The following PCDHGB4 variants were observed in gnomAD, a reference collection of about 807,000 sequenced individuals.
The protein encoded by PCDHGB4 is protocadherin gamma subfamily B, 4.
PCDHGB4 carries 38 observed loss-of-function variants against 60.5 expected under a neutral mutation model. That is an observed-to-expected ratio of 0.63 (90% CI 0.48 to 0.82). The LOEUF is 0.82. Ranked by LOEUF, PCDHGB4 falls within the 40% of genes least tolerant of loss-of-function variation. PCDHGB4 has a pLI of 0.00. For synonymous variants in PCDHGB4, 456 were observed against 509.7 expected, an observed-to-expected ratio of 0.89 and a Z score of 1.42; for missense variants, 1,109 against 1,209.6, an observed-to-expected ratio of 0.92 and a Z score of 1.23.
chr5:141,410,110 C>T, intron 1 of PCDHGB4: 4 of 1,612,540 alleles, frequency 2.5e-6, no homozygotes, highest in Non-Finnish European at 3.4e-6. Flanking sequence ...GCGACAGGGA[C>T]GCAGCCCGCC....
chr5:141,436,099 T>C (rs1400528271), intron 1 of PCDHGB4, among the ~76,000 whole-genome samples: 1 of 152,128 alleles, frequency 6.6e-6, no homozygotes, highest in Non-Finnish European at 1.5e-5. Flanking sequence ...TTGAGAGAAA[T>C]AGAGGACAAT....
intron 1 of PCDHGB4, among the ~76,000 whole-genome samples, chr5:141,446,150 A>G (rs754792549): frequency 6.6e-6 from 1 of 152,216 alleles, no homozygotes; most frequent in Non-Finnish European, 1.5e-5. Flanking sequence ...GAATAGGTGG[A>G]ATATAAATTT....
At chr5:141,475,829 G>A (rs1408248560) in intron 1 of PCDHGB4, 5 of 386,748 alleles carry the variant, frequency 1.3e-5, no homozygotes, top group Non-Finnish European at 2.3e-5. Flanking sequence ...GCGCTAGCGC[G>A]TGTCCTGCTC....
At chr5:141,461,819 A>T (rs573339238) in intron 1 of PCDHGB4, among the ~76,000 whole-genome samples, 68 of 149,282 alleles carry the variant, frequency 4.6e-4, no homozygotes, top group Non-Finnish European at 9.5e-4. Flanking sequence ...ACACCCAGCT[A>T]ATTTTTTTTT....
At chr5:141,495,104 G>C (rs552664771) in intron 2 of PCDHGB4, among the ~76,000 whole-genome samples, 16 of 152,194 alleles carry the variant, frequency 1.1e-4, no homozygotes, top group Admixed American at 8.5e-4. Flanking sequence ...CGCCACGACC[G>C]GCACCTTTTC....
At chr5:141,415,275 G>T in intron 1 of PCDHGB4, 5 of 1,614,212 alleles carry the variant, frequency 3.1e-6, no homozygotes, top group Non-Finnish European at 4.2e-6. Flanking sequence ...TGGTGGTAGC[G>T]GTGGCCGCGG....
At chr5:141,472,980 C>CAAAAAAAAAAAAAAAAAAAAAAAA (rs60579131) in intron 1 of PCDHGB4, among the ~76,000 whole-genome samples, 7 of 86,078 alleles carry the variant, frequency 8.1e-5, no homozygotes, top group African/African-American at 1.9e-4. Context: ...GAGTGAAACT[C>CAAAAAAAAAAAAAAAAAAAAAAAA]AAAAAAAAAA....
chr5:141,463,615 A>G (rs1336539466), intron 1 of PCDHGB4, among the ~76,000 whole-genome samples: 1 of 151,408 alleles, frequency 6.6e-6, no homozygotes, highest in Admixed American at 6.6e-5. Context: ...TGCCCGGCTA[A>G]TTTTTTGTAT....
intron 1 of PCDHGB4, chr5:141,404,584 C>T: frequency 6.2e-7 from 1 of 1,613,980 alleles, no homozygotes; most frequent in Non-Finnish European, 8.5e-7. Flanking sequence ...CACTTAGCAG[C>T]AATGTGTCAT....
intron 1 of PCDHGB4, among the ~76,000 whole-genome samples, chr5:141,452,578 C>T (rs2098744735): frequency 6.6e-6 from 1 of 152,150 alleles, no homozygotes; most frequent in African/African-American, 2.4e-5. Flanking sequence ...TCCCCCTTTC[C>T]ATCTTTGTAT....
chr5:141,424,052 G>A, intron 1 of PCDHGB4: 1 of 1,012,010 alleles, frequency 9.9e-7, no homozygotes, highest in South Asian at 4.7e-5. Flanking sequence ...CAATTTTGCT[G>A]TGCCTTCACT....
chr5:141,419,926 G>A lies in PCDHGB4; in HGVS notation c.2397+29645G>A. 3 of 1,614,096 alleles carry A rather than the reference G, an allele frequency of 1.9e-6. No homozygotes were observed. In the South Asian group the frequency reaches 3.3e-5, roughly 18 times the overall value. On this transcript the variant is annotated intron_variant, in intron 1 of 3. Transcript: ENST00000519479. ...CCTCTGACTCCCAGGCTGAGATGCA[G>A]TTTTACCTGGTGGTGGCCTTGGCCT... is the stretch of plus-strand genomic sequence containing the variant.
intron 1 of PCDHGB4, chr5:141,410,275 C>A: frequency 6.2e-7 from 1 of 1,614,038 alleles, no homozygotes; most frequent in Non-Finnish European, 8.5e-7. Context: ...TGCAGTTTTA[C>A]CTGGTGGTGG....
At chr5:141,405,397 T>A (rs1383127737) in intron 1 of PCDHGB4, 3 of 1,591,464 alleles carry the variant, frequency 1.9e-6, no homozygotes, top group Admixed American at 1.8e-5. Context: ...TTTTTTTCTT[T>A]CTTTCTTTTC....
At chr5:141,479,573 C>A (rs1468041584) in intron 1 of PCDHGB4, 1 of 152,230 alleles carries the variant, frequency 6.6e-6, no homozygotes, top group Admixed American at 6.5e-5. Flanking sequence ...GGGATGACAT[C>A]TGTGAATAGC....
At chr5:141,434,194 GTACT>G (rs527775432) in intron 1 of PCDHGB4, among the ~76,000 whole-genome samples, 169 of 152,308 alleles carry the variant, frequency 1.1e-3, no homozygotes, top group African/African-American at 3.9e-3. Flanking sequence ...TAATTCCAAT[GTACT>G]TACTTCTGTC....
At chr5:141,433,068 T>G (rs1296504554) in intron 1 of PCDHGB4, 1 of 1,613,900 alleles carries the variant, frequency 6.2e-7, no homozygotes, top group South Asian at 1.1e-5. Context: ...CACCTGATCT[T>G]CCCCCAGCCC....
At position 141,493,904 on chromosome 5, in the gene PCDHGB4, G is replaced by A. The variant is rs1204744465; in HGVS notation, c.2398-903G>A. Among the ~76,000 whole-genome samples, 1 of 152,216 alleles carries A rather than the reference G, an allele frequency of 6.6e-6. No individual in the cohort carries two copies. Among genetic ancestry groups the A allele is most frequent in the Non-Finnish European group, 1.5e-5 (1 of 68,028 alleles). On this transcript the variant is annotated intron_variant, in intron 1 of 3. Transcript: ENST00000519479. The surrounding 1 kb of genome is among the most constrained non-coding windows in gnomAD (Gnocchi z 4.3). ...GGCTCTAGGAGTGCTCCATGAGAGT[G>A]TGTGATGGGATAACACACCCCCTGG...
At position 141,388,975 on chromosome 5, in the gene PCDHGB4, T is replaced by C. The variant is rs1293529479; in HGVS notation, c.1091T>C (p.Ile364Thr). The C allele has an allele frequency of 6.8e-6, 11 of 1,613,888 alleles. No homozygotes were observed. The highest frequency in any genetic ancestry group is 8.5e-6 in the Non-Finnish European group (10 of 1,179,894). The change falls in exon 1 of 4, where the codon ATT becomes ACT. Residue 364 changes from isoleucine (I) to threonine (T), a missense_variant. By Grantham distance (89) the Ile-to-Thr change is moderately conservative. Transcript: ENST00000519479. ...IMEDAELGTH[I>T]ALLKVRDKDS... ...GAGGACGCCGAGCTGGGAACACATATTGCTTTGCTCAAAGTCCGTGACAAG... is the reference window on the plus strand; with the variant it reads ...GAGGACGCCGAGCTGGGAACACATACTGCTTTGCTCAAAGTCCGTGACAAG...
Sources: allele counts gnomAD v4.1 joint callset (sites outside exome capture counted in the v4.1 genomes callset), GRCh38; gene constraint gnomAD v4.1.1; non-coding constraint Gnocchi (gnomAD v3.1); transcripts MANE v1.5; gene names NCBI Gene and HGNC (gene_info 2026-07-23, HGNC 2026-07-21).